CHST9: variants seen among roughly 807,000 people sequenced by gnomAD.
CHST9 encodes the protein GalNAc-4-sulfotransferase 2.
CHST9 carries 41 observed loss-of-function variants against 44.4 expected under a neutral mutation model. The ratio of observed to expected loss-of-function variants is 0.92; its 90% CI spans 0.72 to 1.20. The LOEUF (loss-of-function observed/expected upper bound fraction) is 1.20. Ranked by LOEUF, CHST9 falls within the 50% of genes most tolerant of loss-of-function variation. The pLI, the probability that CHST9 is intolerant of heterozygous loss-of-function variation, is 0.00. For synonymous variants in CHST9, 171 were observed against 178.4 expected, an observed-to-expected ratio of 0.96 and a Z score of 0.33; for missense variants, 504 against 516.5, an observed-to-expected ratio of 0.98 and a Z score of 0.23.
chr18:27,170,804 C>T (rs1358224346), intron 1 of CHST9, among the ~76,000 whole-genome samples: 16 of 152,122 alleles, frequency 1.1e-4, no homozygotes, highest in East Asian at 1.9e-4. Context: ...GAACAAGAAT[C>T]GACACATCTA....
chr18:27,139,218 C>T (rs1398556860), intron 2 of CHST9, among the ~76,000 whole-genome samples: 5 of 152,056 alleles, frequency 3.3e-5, no homozygotes, highest in African/African-American at 9.6e-5. Flanking sequence ...ATAAAAGACA[C>T]GAAGAAAACC....
intron 3 of CHST9, among the ~76,000 whole-genome samples, chr18:27,034,977 CT>C (rs1017797597): frequency 2.0e-5 from 3 of 152,096 alleles, no homozygotes; most frequent in Non-Finnish European, 2.9e-5. Context: ...TTTAATATAT[CT>C]CTTTGAGATG....
chr18:26,976,037 C>G (rs1177955104), intron 4 of CHST9, among the ~76,000 whole-genome samples: 1 of 151,678 alleles, frequency 6.6e-6, no homozygotes, highest in African/African-American at 2.4e-5. Context: ...GGAGTGCCAG[C>G]CTGTTAGCAG....
intron 1 of CHST9, among the ~76,000 whole-genome samples, chr18:27,159,325 G>A (rs2058725950): frequency 3.3e-5 from 5 of 152,056 alleles, no homozygotes; most frequent in African/African-American, 9.7e-5. Flanking sequence ...CTTTCTACAT[G>A]TGGCTAGCTA....
chr18:27,147,787 C>T (rs1394481038), intron 1 of CHST9: 1 of 152,106 alleles, frequency 6.6e-6, no homozygotes, highest in Non-Finnish European at 1.5e-5. Flanking sequence ...CTGTAAACCC[C>T]TACAGTGATC....
chr18:27,049,599 C>T (rs1210705369), intron 2 of CHST9, among the ~76,000 whole-genome samples: 1 of 151,982 alleles, frequency 6.6e-6, no homozygotes, highest in Non-Finnish European at 1.5e-5. Flanking sequence ...ATCATCGAGG[C>T]AGAAAACTAA....
At chr18:27,097,700 G>T (rs1026065319) in intron 2 of CHST9, among the ~76,000 whole-genome samples, 2 of 152,026 alleles carry the variant, frequency 1.3e-5, no homozygotes, top group Non-Finnish European at 2.9e-5. Flanking sequence ...TTCTTCTAGG[G>T]TTTTTATGGT....
intron 2 of CHST9, among the ~76,000 whole-genome samples, chr18:27,121,793 C>G (rs367684759): frequency 1.3e-5 from 2 of 152,298 alleles, no homozygotes; most frequent in East Asian, 3.9e-4. Context: ...TGAAATCACT[C>G]TGGACTTTCC....
intron 4 of CHST9, among the ~76,000 whole-genome samples, chr18:27,021,928 C>T (rs2057231361): frequency 1.3e-5 from 2 of 152,144 alleles, no homozygotes; most frequent in Admixed American, 6.5e-5. Flanking sequence ...CAAGCAATCC[C>T]CCTACTTTAG....
At chr18:27,088,859 A>G (rs1380936218) in intron 2 of CHST9, among the ~76,000 whole-genome samples, 1 of 152,170 alleles carries the variant, frequency 6.6e-6, no homozygotes, top group African/African-American at 2.4e-5. Context: ...CATACCAGGG[A>G]CCTGGTTTAG....
chr18:26,947,434 A>G (rs762183360), intron 4 of CHST9, among the ~76,000 whole-genome samples: 3 of 152,244 alleles, frequency 2.0e-5, no homozygotes, highest in Non-Finnish European at 2.9e-5. Context: ...GAGCTTCTGC[A>G]CAGCAAAAGA....
At chr18:27,149,682 T>A (rs2058644750) in intron 1 of CHST9, among the ~76,000 whole-genome samples, 2 of 152,146 alleles carry the variant, frequency 1.3e-5, no homozygotes, top group Admixed American at 1.3e-4. Context: ...TCACAAGGTT[T>A]TCAACTGCTC....
intron 4 of CHST9, among the ~76,000 whole-genome samples, chr18:26,951,793 T>C (rs1393531684): frequency 6.6e-6 from 1 of 152,198 alleles, no homozygotes; most frequent in African/African-American, 2.4e-5. Context: ...CTACTACTGC[T>C]GGAAGGAATA....
intron 2 of CHST9, among the ~76,000 whole-genome samples, chr18:27,106,232 A>C (rs906251403): frequency 2.6e-5 from 4 of 152,106 alleles, no homozygotes; most frequent in Admixed American, 2.6e-4. Context: ...AACTGCTTTT[A>C]TTTGCCTCTG....
At chr18:27,125,184 A>G (rs1010011114) in intron 2 of CHST9, among the ~76,000 whole-genome samples, 1 of 152,248 alleles carries the variant, frequency 6.6e-6, no homozygotes, top group Non-Finnish European at 1.5e-5. Context: ...TCCAATTTTT[A>G]AGTATATTTC....
At position 27,142,726 on chromosome 18, in the gene CHST9, G is replaced by C. The variant is rs754388478; in HGVS notation, c.84C>G (p.Phe28Leu). Residue 28 changes from phenylalanine to leucine, a missense_variant, in exon 2 of 6, where the codon TTC (phenylalanine) becomes TTG (leucine). Coordinates refer to ENST00000618847, the MANE Select transcript of CHST9 (RefSeq NM_031422.6). ...LIFGVAGLLL[F>L]MYLQVWIEEQ... is the part of the protein sequence containing the mutation. ...CTTCAATCCAGACTTGCAAATACAT[G>C]AAGAGGAGTAGCCCAGCTACTCCAA... 6.2e-7 allele frequency: 1 copy of C among 1,611,038 alleles called. No homozygotes were observed. Among genetic ancestry groups the C allele is most frequent in the Admixed American group, 1.7e-5 (1 of 59,692 alleles).
chr18:27,151,213 G>A (rs1205498085), intron 1 of CHST9, among the ~76,000 whole-genome samples: 2 of 151,922 alleles, frequency 1.3e-5, no homozygotes, highest in South Asian at 2.1e-4. Context: ...TTAATACTGT[G>A]TAATTCCTGA....
At chr18:26,944,687 A>T (rs1420594868) in intron 4 of CHST9, among the ~76,000 whole-genome samples, 2 of 152,246 alleles carry the variant, frequency 1.3e-5, no homozygotes, top group Non-Finnish European at 2.9e-5. Flanking sequence ...AACAACAGCC[A>T]GTCAAAACAA....
Position 26,925,130 on chromosome 18 carries a change from G to A in CHST9, c.241-7780C>T, listed in dbSNP as rs560510003. 7.2e-5 allele frequency among the ~76,000 whole-genome samples: 11 copies of A among 151,984 alleles called. No individual in the cohort carries two copies. In the East Asian group the frequency reaches 2.1e-3, roughly 29 times the overall value. ...TGGAGAAAAAACTTGGTGCATTAAA[G>A]GACAAAAAAAAATTTGGCACAGGAA... On this transcript the variant is annotated intron_variant, in intron 5 of 5. Transcript: ENST00000618847.
Sources: allele counts gnomAD v4.1 joint callset (sites outside exome capture counted in the v4.1 genomes callset), GRCh38; gene constraint gnomAD v4.1.1; transcripts MANE v1.5; gene names NCBI Gene and HGNC (gene_info 2026-07-23, HGNC 2026-07-21).